ABRAXAS2: variants seen among roughly 807,000 people sequenced by gnomAD.
ABRAXAS2 encodes the protein BRISC complex subunit Abraxas 2.
In ABRAXAS2, 23 loss-of-function variants were observed where a neutral mutation model predicts 49.0. The ratio of observed to expected loss-of-function variants is 0.47; its 90% CI spans 0.34 to 0.66. The LOEUF (loss-of-function observed/expected upper bound fraction) is 0.66. ABRAXAS2 is among the 30% of genes least tolerant of loss of function. ABRAXAS2 has a pLI of 0.01. For missense variants in ABRAXAS2, 443 were observed against 511.9 expected (o/e 0.87, Z 1.30); for synonymous variants, 168 against 180.2 (o/e 0.93, Z 0.54).
At chr10:124,818,874 G>T (rs1420974291) in intron 3 of ABRAXAS2, among the ~76,000 whole-genome samples, 1 of 152,158 alleles carries the variant, frequency 6.6e-6, no homozygotes, top group Non-Finnish European at 1.5e-5. Context: ...TGGCCTTGGT[G>T]TGTTTATCTA....
intron 2 of ABRAXAS2, among the ~76,000 whole-genome samples, chr10:124,813,155 C>T (rs1242189882): frequency 3.3e-5 from 5 of 152,150 alleles, no homozygotes; most frequent in Non-Finnish European, 7.3e-5. Flanking sequence ...GAGTCGAGAT[C>T]GTGCCACTGC....
chr10:124,831,416 T>C lies in ABRAXAS2; in HGVS notation c.731T>C (p.Leu244Ser). The C allele has an allele frequency of 1.9e-6, 3 of 1,612,102 alleles. No homozygotes were observed. Among genetic ancestry groups the C allele is most frequent in the Non-Finnish European group, 2.5e-6 (3 of 1,178,496 alleles). ...VESCQAEVNK[L>S]RRQITQRKNE... ...TCTTGTCAGGCAGAAGTGAACAAAT[T>C]AAGAAGACAAATCACTCAGAGGAAA... is the stretch of plus-strand genomic sequence containing the variant. The change falls in exon 8 of 9, where the codon TTA becomes TCA. Residue 244 changes from leucine to serine, a missense_variant. Physicochemically the swap from Leu to Ser is moderately radical, Grantham distance 145. Transcript: ENST00000298492.
At chr10:124,811,112 G>A (rs1223243547) in intron 2 of ABRAXAS2, among the ~76,000 whole-genome samples, 1 of 151,822 alleles carries the variant, frequency 6.6e-6, no homozygotes, top group East Asian at 2.0e-4. Flanking sequence ...GCGGGAGGCT[G>A]AGGCAGGAGA....
chr10:124,831,176 G>A (rs1259235150), intron 7 of ABRAXAS2, among the ~76,000 whole-genome samples, 173 bp from the exon 8 acceptor site: 1 of 152,162 alleles, frequency 6.6e-6, no homozygotes, highest in Non-Finnish European at 1.5e-5. Context: ...GCAAATCAGT[G>A]AATAATAACA....
intron 1 of ABRAXAS2, among the ~76,000 whole-genome samples, chr10:124,802,800 C>A (rs1359662527): frequency 2.0e-5 from 3 of 152,130 alleles, no homozygotes; most frequent in Non-Finnish European, 4.4e-5. Context: ...TTTTGGTTGT[C>A]ATTACAAAGC....
At chr10:124,810,542 G>C (rs1950780061) in intron 2 of ABRAXAS2, among the ~76,000 whole-genome samples, 1 of 151,814 alleles carries the variant, frequency 6.6e-6, no homozygotes, top group Non-Finnish European at 1.5e-5. Flanking sequence ...AAAAAGACTT[G>C]CGATGTGTAA....
intron 1 of ABRAXAS2, among the ~76,000 whole-genome samples, chr10:124,803,451 T>C (rs984403950): frequency 6.6e-6 from 1 of 152,250 alleles, no homozygotes; most frequent in African/African-American, 2.4e-5. Context: ...AAGAAATTAA[T>C]TTAAAACCAC....
chr10:124,818,540 G>C (rs1347102435), intron 3 of ABRAXAS2, among the ~76,000 whole-genome samples: 1 of 152,132 alleles, frequency 6.6e-6, no homozygotes, highest in Non-Finnish European at 1.5e-5. Flanking sequence ...CATATAGTGA[G>C]AAACAGAACT....
chr10:124,806,154 AAAT>A (rs1244738803), intron 1 of ABRAXAS2, among the ~76,000 whole-genome samples: 32 of 152,040 alleles, frequency 2.1e-4, no homozygotes, highest in Non-Finnish European at 4.4e-4. Context: ...AAAAAAAAAA[AAAT>A]TAGCCAGGCA....
At chr10:124,827,162 A>ATT (rs776501428) in intron 5 of ABRAXAS2, among the ~76,000 whole-genome samples, 105 of 137,246 alleles carry the variant, frequency 7.7e-4, no homozygotes, top group Middle Eastern at 7.4e-3. Context: ...ATTATAGTGC[A>ATT]TTTTTTTTTT....
At chr10:124,812,698 C>G (rs181469935) in intron 2 of ABRAXAS2, among the ~76,000 whole-genome samples, 1 of 152,012 alleles carries the variant, frequency 6.6e-6, no homozygotes, top group East Asian at 1.9e-4. Flanking sequence ...TTTGGAAAAC[C>G]CGGGTTGAAA....
chr10:124,813,645 C>T (rs1379543470), intron 2 of ABRAXAS2, among the ~76,000 whole-genome samples: 5 of 152,160 alleles, frequency 3.3e-5, no homozygotes, highest in Admixed American at 3.3e-4. Flanking sequence ...CGATCTGCAG[C>T]TTTTTCATGT....
intron 4 of ABRAXAS2, among the ~76,000 whole-genome samples, chr10:124,823,851 T>A (rs917458829): frequency 6.6e-6 from 1 of 152,256 alleles, no homozygotes; most frequent in Non-Finnish European, 1.5e-5. Context: ...ATCAAAGATA[T>A]CACCAATACA....
chr10:124,819,330 G>A (rs540521850), intron 3 of ABRAXAS2, 54 bp from the exon 4 acceptor site: 154 of 1,464,734 alleles, frequency 1.1e-4, no homozygotes, highest in South Asian at 1.5e-4. Context: ...AGCCAAGCAC[G>A]TCTATGTCAC....
At position 124,806,868 on chromosome 10, in the gene ABRAXAS2, C is replaced by T. The variant is rs758503909; in HGVS notation, c.110C>T (p.Thr37Met). The T allele has an allele frequency of 2.3e-5, 37 of 1,610,920 alleles. No individual in the cohort carries two copies. The highest frequency in any genetic ancestry group is 3.3e-4 in the Middle Eastern group (2 of 6,076). The change falls in exon 2 of 9, where the codon ACG (threonine) becomes ATG (methionine). Residue 37 changes from threonine to methionine, a missense_variant. By Grantham distance (81) the Thr-to-Met change is moderately conservative (BLOSUM62 -1). Coordinates refer to ENST00000298492, the MANE Select transcript of ABRAXAS2 (RefSeq NM_032182.4). ...FLLGEVRQEE[T>M]FSISDSQISN... ...CTGGGAGAGGTAAGACAAGAGGAAA[C>T]GTTTAGCATCAGTGACTCACAAATC...
At chr10:124,826,948 G>T (rs540532118) in intron 5 of ABRAXAS2, among the ~76,000 whole-genome samples, 163 bp downstream of exon 5, 1 of 144,916 alleles carries the variant, frequency 6.9e-6, no homozygotes, top group Non-Finnish European at 1.6e-5. Flanking sequence ...TCAAAAATTA[G>T]CTGGGTGTGG....
intron 3 of ABRAXAS2, among the ~76,000 whole-genome samples, chr10:124,817,969 C>G (rs1950835986): frequency 6.6e-6 from 1 of 152,180 alleles, no homozygotes. Context: ...TTGCTTCTGT[C>G]TGGTCTACGA....
intron 3 of ABRAXAS2, among the ~76,000 whole-genome samples, chr10:124,817,569 G>A (rs1033263084): frequency 6.6e-6 from 1 of 151,886 alleles, no homozygotes; most frequent in South Asian, 2.1e-4. Context: ...CTGCCCACAC[G>A]AATACAATCA....
Position 124,834,645 on chromosome 10 carries a change from T to C in ABRAXAS2, c.922T>C (p.Tyr308His). ...AGAGGCCTCGGATCCTCCTCCCCCTTACTCTGATTTTCACCCAAACAATCA... is the reference window on the plus strand; with the variant it reads ...AGAGGCCTCGGATCCTCCTCCCCCTCACTCTGATTTTCACCCAAACAATCA... ...DAEASDPPPP[Y>H]SDFHPNNQES... The change falls in exon 9 of 9, where the codon TAC (tyrosine) becomes CAC (histidine). Residue 308 changes from tyrosine (Y) to histidine (H), a missense_variant. Tyr to His is a moderately conservative substitution (Grantham distance 83, BLOSUM62 2). This residue lies in a region of ABRAXAS2 where 230 missense variants were observed against 237.0 expected (regional missense o/e 0.97). Coordinates refer to ENST00000298492, the MANE Select transcript of ABRAXAS2 (RefSeq NM_032182.4). 6.8e-6 allele frequency: 11 copies of C among 1,614,162 alleles called. No individual in the cohort carries two copies. The highest frequency in any genetic ancestry group is 9.3e-6 in the Non-Finnish European group (11 of 1,180,024).
Sources: gnomAD v4.1 joint callset for allele counts (sites outside exome capture counted in the v4.1 genomes callset) on GRCh38, gnomAD v4.1.1 for gene constraint, gnomAD v4.1.1 regional missense constraint, MANE v1.5 for transcripts, NCBI Gene and HGNC (gene_info 2026-07-23, HGNC 2026-07-21) for gene names.